Variants in TRIM33 observed in about 807,000 individuals in gnomAD.
TRIM33 encodes tripartite motif containing 33, also known as E3 ubiquitin-protein ligase TRIM33.
A neutral mutation model predicts 125.4 loss-of-function variants in TRIM33; 20 were observed. The observed-to-expected ratio is 0.16, with a 90% CI of 0.11 to 0.23. The LOEUF is 0.23. Ranked by LOEUF, TRIM33 falls within the 10% of genes least tolerant of loss-of-function variation. TRIM33 has a pLI of 1.00. For missense variants in TRIM33, 920 were observed against 1,411.4 expected, an observed-to-expected ratio of 0.65 and a Z score of 5.58; for synonymous variants, 564 against 513.9, an observed-to-expected ratio of 1.10 and a Z score of -1.32.
At chr1:114,487,261 A>C in intron 1 of TRIM33, among the ~76,000 whole-genome samples, 1 of 151,700 alleles carries the variant, frequency 6.6e-6, no homozygotes, top group South Asian at 2.1e-4. Context: ...AAATCTTGAA[A>C]GCAGACAATG....
At chr1:114,466,047 A>AT in intron 1 of TRIM33, among the ~76,000 whole-genome samples, 1 of 152,104 alleles carries the variant, frequency 6.6e-6, no homozygotes, top group Non-Finnish European at 1.5e-5. Context: ...TCTCAAAAAA[A>AT]AAAATAAATA....
intron 4 of TRIM33, among the ~76,000 whole-genome samples, chr1:114,439,466 A>C (rs1481991922): frequency 3.6e-5 from 3 of 82,538 alleles, no homozygotes; most frequent in East Asian, 3.1e-4. Flanking sequence ...GAGACTCTGT[A>C]TCAAAAAAAA....
chr1:114,478,856 T>C (rs1043642033), intron 1 of TRIM33, among the ~76,000 whole-genome samples: 1 of 152,106 alleles, frequency 6.6e-6, no homozygotes, highest in African/African-American at 2.4e-5. Context: ...GAGACCAGCC[T>C]GGCCAACATG....
chr1:114,402,040 A>G (rs913524988), intron 16 of TRIM33, among the ~76,000 whole-genome samples: 3 of 152,194 alleles, frequency 2.0e-5, no homozygotes, highest in Non-Finnish European at 2.9e-5. Flanking sequence ...CAGATAGTGG[A>G]TGAGGGTTTT....
At chr1:114,404,885 A>G (rs371843286) in intron 15 of TRIM33, 2 of 151,674 alleles carry the variant, frequency 1.3e-5, no homozygotes, top group South Asian at 4.2e-4. Flanking sequence ...TACTTTCACC[A>G]AAAAGAAATT....
chr1:114,450,915 T>C (rs1649271861), intron 4 of TRIM33, among the ~76,000 whole-genome samples: 1 of 152,230 alleles, frequency 6.6e-6, no homozygotes, highest in East Asian at 1.9e-4. Flanking sequence ...CAACATTTGT[T>C]TTCTTTTTTC....
intron 15 of TRIM33, 92 bp downstream of exon 15, chr1:114,405,318 C>T: frequency 1.1e-6 from 1 of 938,866 alleles, no homozygotes; most frequent in Non-Finnish European, 1.6e-6. Flanking sequence ...ATACTATGCA[C>T]TGGTTAGAAG....
chr1:114,465,834 G>A (rs1188443108), intron 1 of TRIM33, among the ~76,000 whole-genome samples: 2 of 151,982 alleles, frequency 1.3e-5, no homozygotes, highest in African/African-American at 4.8e-5. Flanking sequence ...GAGGTCAGGA[G>A]ATGGAGACTA....
At chr1:114,507,019 T>C (rs1241743933) in intron 1 of TRIM33, among the ~76,000 whole-genome samples, 1 of 152,246 alleles carries the variant, frequency 6.6e-6, no homozygotes, top group Non-Finnish European at 1.5e-5. Flanking sequence ...ACTTATTTAT[T>C]GAACAGTCTA....
intron 11 of TRIM33, among the ~76,000 whole-genome samples, chr1:114,417,033 T>C (rs1383559842): frequency 6.6e-6 from 1 of 152,206 alleles, no homozygotes; most frequent in Admixed American, 6.5e-5. Context: ...CAATGAAATA[T>C]TATTCAGCCA....
chr1:114,439,938 T>C (rs2101233816), intron 4 of TRIM33, among the ~76,000 whole-genome samples: 1 of 152,318 alleles, frequency 6.6e-6, no homozygotes, highest in Middle Eastern at 3.4e-3. Context: ...AAAGTTAACA[T>C]GAAGGTGAAA....
At chr1:114,461,294 A>T (rs921979421) in intron 4 of TRIM33, among the ~76,000 whole-genome samples, 5 of 141,592 alleles carry the variant, frequency 3.5e-5, no homozygotes, top group African/African-American at 1.0e-4. Flanking sequence ...TTATATATTT[A>T]TATATTATAT....
At chr1:114,409,645 A>G (rs1395211809) in intron 12 of TRIM33, among the ~76,000 whole-genome samples, 1 of 152,208 alleles carries the variant, frequency 6.6e-6, no homozygotes, top group Admixed American at 6.5e-5. Flanking sequence ...TCAGTTACTG[A>G]AAGAGTACCA....
chr1:114,408,549 C>T (rs1652389943), intron 13 of TRIM33, 128 bp downstream of exon 13: 1 of 579,948 alleles, frequency 1.7e-6, no homozygotes, highest in South Asian at 2.1e-5. Context: ...ACAAGATTGG[C>T]CATTATTTGA....
In TRIM33 at chr1:114,424,678, T is replaced by C; in HGVS notation, c.1773A>G (p.Arg591=). The C allele has an allele frequency of 2.5e-6, 4 of 1,611,966 alleles. No individual in the cohort carries two copies. The highest frequency in any genetic ancestry group is 3.4e-6 in the Non-Finnish European group (4 of 1,178,794). The change falls in exon 10 of 20, where the codon AGA becomes AGG. Residue 591 remains arginine, a synonymous_variant. Coordinates refer to ENST00000358465, the MANE Select transcript of TRIM33 (RefSeq NM_015906.4). ...NCGAFQAHQM[R]LAQNAARIPG... ...GTATTCTGGCAGCATTCTGAGCCAGTCTCATCTGATGGGCTTGAAAAGCTC... is the reference window on the plus strand; with the variant it reads ...GTATTCTGGCAGCATTCTGAGCCAGCCTCATCTGATGGGCTTGAAAAGCTC...
At chr1:114,398,898 C>CAAAAAAAAAAAAAAAAAAAAAAAA (rs372853872) in intron 18 of TRIM33, among the ~76,000 whole-genome samples, 2 of 60,800 alleles carry the variant, frequency 3.3e-5, no homozygotes, top group South Asian at 6.2e-4. Context: ...AACTTACCCT[C>CAAAAAAAAAAAAAAAAAAAAAAAA]AAAAAAAAAA....
At chr1:114,469,862 G>C (rs998334203) in intron 1 of TRIM33, among the ~76,000 whole-genome samples, 3 of 151,866 alleles carry the variant, frequency 2.0e-5, no homozygotes, top group Non-Finnish European at 4.4e-5. Context: ...CTTTATACAG[G>C]GAAAACTTGG....
chr1:114,510,896 C>G lies in TRIM33; in HGVS notation c.181G>C (p.Gly61Arg), dbSNP rs1291977638. The G allele has an allele frequency of 7.0e-7, 1 of 1,429,814 alleles. No homozygotes were observed. The highest frequency in any genetic ancestry group is 9.1e-7 in the Non-Finnish European group (1 of 1,099,454). 88.6% of individuals were successfully genotyped at this position (1,429,814 alleles called of 1,614,324 possible). The change falls in exon 1 of 20, where the codon GGG (glycine) becomes CGG (arginine). Residue 61 changes from glycine (G) to arginine (R), a missense_variant. By Grantham distance (125) the Gly-to-Arg change is moderately radical. Around this residue, in one of 8 missense-constraint regions of TRIM33, gnomAD observed 233 missense variants for 189.6 expected, o/e 1.23. Transcript: ENST00000358465. ...GCGGCCACCCCCCCGTCGTCGGGCC[C>G]GGCCGCGCCGCCCTCAGCGCCGGCC... The part of the protein sequence containing the change: ...GRAGAEGGAA[G>R]PDDGGVAAAS...
rs35575166 is a variant in TRIM33, at chr1:114,470,638, T to TAACAAC, written c.527-6256_527-6251dup. Among the ~76,000 whole-genome samples, 12 of 151,428 alleles carry TAACAAC rather than the reference T, an allele frequency of 7.9e-5. No homozygotes were observed. The East Asian group carries it at 1.5e-3, about 20-fold the overall frequency. ...AATCGATTCAGCATGACTTGGTCAATAACAACAACAACAACAACAACAACA... is the reference window on the plus strand; with the variant it reads ...AATCGATTCAGCATGACTTGGTCAATAACAACAACAACAACAACAACAACAACAACA... On this transcript the variant is annotated intron_variant, in intron 1 of 19. Coordinates refer to ENST00000358465, the MANE Select transcript of TRIM33 (RefSeq NM_015906.4).
Sources: allele counts gnomAD v4.1 joint callset (sites outside exome capture counted in the v4.1 genomes callset), GRCh38; gene constraint gnomAD v4.1.1; regional missense constraint gnomAD v4.1.1; transcripts MANE v1.5; gene names NCBI Gene and HGNC (gene_info 2026-07-23, HGNC 2026-07-21).